The following LAX1 variants were observed in gnomAD, a reference collection of about 807,000 sequenced individuals.
LAX1 encodes lymphocyte transmembrane adapter 1.
In LAX1, 17 loss-of-function variants were observed where a neutral mutation model predicts 20.7. The observed-to-expected ratio is 0.82, with a 90% CI of 0.56 to 1.23. The LOEUF is 1.23. Ranked by LOEUF, LAX1 falls within the 50% of genes most tolerant of loss-of-function variation. LAX1 has a pLI of 0.00. For missense variants in LAX1, 470 were observed against 487.0 expected (o/e 0.97, Z 0.33); for synonymous variants, 165 against 181.0 (o/e 0.91, Z 0.71).
At position 203,774,761 on chromosome 1, in the gene LAX1, C is replaced by A; in HGVS notation, c.*80C>A. The A allele has an allele frequency of 8.6e-7, 1 of 1,162,650 alleles. No individual in the cohort carries two copies. Among genetic ancestry groups the A allele is most frequent in the South Asian group, 1.5e-5 (1 of 67,496 alleles). 72.0% of individuals were successfully genotyped at this position (1,162,650 alleles called of 1,614,324 possible). On this transcript the variant is annotated 3_prime_UTR_variant, in exon 5 of 5. Coordinates refer to ENST00000442561, the MANE Select transcript of LAX1 (RefSeq NM_017773.4). ...ACTACTGCAGAGTCTAGTGCAGACC[C>A]GTGATCACCTTAGTGCTTCAGTGGA...
In LAX1 at chr1:203,765,349, T is replaced by TGGTG. The variant is rs1667286966; in HGVS notation, c.-217_-216insGGTG. 2 of 1,551,586 alleles carry TGGTG rather than the reference T, an allele frequency of 1.3e-6. No homozygotes were observed. The highest frequency in any genetic ancestry group is 2.4e-5 in the South Asian group (2 of 84,066). ...TTGGAAGCACCATGTCCGGATGAGA[T>TGGTG]CGCACTTCCTGCAGTGGGCATTAGC... is the stretch of plus-strand genomic sequence containing the variant. On this transcript the variant is annotated 5_prime_UTR_variant, in exon 1 of 5. The change creates a new upstream start codon in the 5' untranslated region. Coordinates refer to ENST00000442561, the MANE Select transcript of LAX1 (RefSeq NM_017773.4).
Position 203,765,619 on chromosome 1 carries a change from C to T in LAX1, c.54C>T (p.Ser18=), listed in dbSNP as rs1667292070. Residue 18 remains serine, a synonymous_variant, in exon 1 of 5, where the codon TCC becomes TCT. Coordinates refer to ENST00000442561, the MANE Select transcript of LAX1 (RefSeq NM_017773.4). The stretch of plus-strand genomic sequence containing the variant: ...CAATCAGAGGGAGGACCTTGGAGTC[C>T]AGCACTCTGCATGTGACTCCCCGCA... ...LSTIRGRTLE[S]STLHVTPRSL... The T allele has an allele frequency of 1.9e-6, 3 of 1,614,114 alleles. No homozygotes were observed. Among genetic ancestry groups the T allele is most frequent in the Non-Finnish European group, 8.5e-7 (1 of 1,180,022 alleles).
chr1:203,770,427 GAA>G (rs1667384861), intron 1 of LAX1, among the ~76,000 whole-genome samples: 3 of 20,944 alleles, frequency 1.4e-4, no homozygotes, highest in African/African-American at 1.7e-4. Flanking sequence ...AAGAAAGAAA[GAA>G]AGAAAGAGAG....
chr1:203,774,706 C>G lies in LAX1; in HGVS notation c.*25C>G. The G allele has an allele frequency of 6.3e-7, 1 of 1,594,436 alleles. No individual in the cohort carries two copies. Among genetic ancestry groups the G allele is most frequent in the Non-Finnish European group, 8.6e-7 (1 of 1,166,260 alleles). On this transcript the variant is annotated 3_prime_UTR_variant, in exon 5 of 5. Transcript: ENST00000442561. Reference sequence around the variant, plus strand: ...AAGACCCAGGTACCCAGCCATAAAGCCACATTGAGTAGTCTATCCCATAGG... The same window carrying G: ...AAGACCCAGGTACCCAGCCATAAAGGCACATTGAGTAGTCTATCCCATAGG...
rs117526793 is a variant in LAX1 at position 203,773,353 on chromosome 1, T to C, written c.391-522T>C. On this transcript the variant is annotated intron_variant, in intron 4 of 4. Coordinates refer to ENST00000442561, the MANE Select transcript of LAX1 (RefSeq NM_017773.4). Reference sequence around the variant, plus strand: ...CCTGTAATCCCAGCTACTCAGGAGGTTGAGGCGGGAGAATCGATTGAACAC... The same window carrying C: ...CCTGTAATCCCAGCTACTCAGGAGGCTGAGGCGGGAGAATCGATTGAACAC... Among the ~76,000 whole-genome samples, 358 of 150,862 alleles carry C rather than the reference T, an allele frequency of 2.4e-3. 9 individuals are homozygous for C. In the East Asian group the frequency reaches 0.064, roughly 27 times the overall value.
intron 1 of LAX1, among the ~76,000 whole-genome samples, chr1:203,769,025 A>C (rs1667349536): frequency 6.6e-6 from 1 of 152,144 alleles, no homozygotes; most frequent in African/African-American, 2.4e-5. Flanking sequence ...TAGCAGGTTT[A>C]TGTGGGGAGA....
chr1:203,766,571 G>A (rs1385800551), intron 1 of LAX1, among the ~76,000 whole-genome samples: 1 of 152,206 alleles, frequency 6.6e-6, no homozygotes, highest in Non-Finnish European at 1.5e-5. Flanking sequence ...GCATCAATGA[G>A]CAATGAATCA....
At chr1:203,770,791 C>T (rs1304132933) in intron 1 of LAX1, 37 bp from the exon 2 acceptor site, 30 of 1,533,086 alleles carry the variant, frequency 2.0e-5, no homozygotes, top group Non-Finnish European at 2.4e-5. Flanking sequence ...TCTCCACCCT[C>T]CTACAGCTAG....
intron 1 of LAX1, chr1:203,769,525 C>A (rs1051981364): frequency 4.0e-5 from 6 of 151,614 alleles, no homozygotes; most frequent in Admixed American, 3.3e-4. Flanking sequence ...TGTTAAATGC[C>A]CTGGTTTCTA....
rs759447309 is a variant in LAX1 at position 203,774,117 on chromosome 1, C to T, written c.633C>T (p.Ser211=). 6.2e-7 allele frequency: 1 copy of T among 1,614,146 alleles called. No individual in the cohort carries two copies. Among genetic ancestry groups the T allele is most frequent in the Non-Finnish European group, 8.5e-7 (1 of 1,180,042 alleles). The part of the protein sequence containing the change: ...EIAETLASTK[S]PSRNLFVLPS... ...CTGAGACTCTAGCTTCTACCAAAAG[C>T]CCTTCCAGAAATCTCTTTGTTCTTC... Residue 211 remains serine, a synonymous_variant, in exon 5 of 5, where the codon AGC becomes AGT. Coordinates refer to ENST00000442561, the MANE Select transcript of LAX1 (RefSeq NM_017773.4).
chr1:203,768,551 T>C (rs1268870309), intron 1 of LAX1, among the ~76,000 whole-genome samples: 2 of 152,176 alleles, frequency 1.3e-5, no homozygotes, highest in African/African-American at 4.8e-5. Context: ...CAAGGGATCC[T>C]GGCAGTCAAA....
chr1:203,770,461 GGAAGGA>G (rs1558070665), intron 1 of LAX1, among the ~76,000 whole-genome samples: 772 of 16,328 alleles, frequency 0.047, 61 homozygotes, highest in South Asian at 0.1. Flanking sequence ...GAGAAAGGAA[GGAAGGA>G]AGGAAGGAAG....
In LAX1 at chr1:203,771,479, T is replaced by TACCC; in HGVS notation, c.310+3_310+4insCCCA. 6.4e-7 allele frequency: 1 copy of TACCC among 1,569,560 alleles called. No homozygotes were observed. The highest frequency in any genetic ancestry group is 8.8e-7 in the Non-Finnish European group (1 of 1,139,288). On this transcript the variant is annotated splice_region_variant and intron_variant, in intron 3 of 4. Transcript: ENST00000442561. ...TGCCTTGGCGACAGGAAGACCTGGG[T>TACCC]AGGTTTTTCCTTCTAATCTATGGAG...
chr1:203,776,225 A>G lies in LAX1; in HGVS notation c.*1544A>G, dbSNP rs953663975. On this transcript the variant is annotated 3_prime_UTR_variant, in exon 5 of 5. Coordinates refer to ENST00000442561, the MANE Select transcript of LAX1 (RefSeq NM_017773.4). ...TGTCTCTCATATTTGTAAAACTACA[A>G]AAATTAGCTTGGCATGGTGGTGTGC... 5 of 152,050 alleles carry G rather than the reference A, an allele frequency of 3.3e-5. No homozygotes were observed. Among genetic ancestry groups the G allele is most frequent in the African/African-American group, 1.2e-4 (5 of 41,382 alleles). The allele number at this position is 152,050 out of a possible 1,614,324, so 9.4% of individuals were successfully genotyped here.
chr1:203,770,151 C>A (rs886397804), intron 1 of LAX1, among the ~76,000 whole-genome samples: 1 of 152,058 alleles, frequency 6.6e-6, no homozygotes, highest in African/African-American at 2.4e-5. Context: ...GGCACGGTGG[C>A]TCACACCTGT....
In LAX1 at chr1:203,773,969, A is replaced by G; in HGVS notation, c.485A>G (p.Gln162Arg). The change falls in exon 5 of 5, where the codon CAG (glutamine) becomes CGG (arginine). Residue 162 changes from glutamine to arginine, a missense_variant. Coordinates refer to ENST00000442561, the MANE Select transcript of LAX1 (RefSeq NM_017773.4). Reference sequence around the variant, plus strand: ...ATCTATGACAACGCCATGGTCCCCCAGATGTGTGGGAACCTCACTCCCTCG... The same window carrying G: ...ATCTATGACAACGCCATGGTCCCCCGGATGTGTGGGAACCTCACTCCCTCG... ...VGIYDNAMVP[Q>R]MCGNLTPSAH... The G allele has an allele frequency of 1.9e-6, 3 of 1,613,878 alleles. No homozygotes were observed. Among genetic ancestry groups the G allele is most frequent in the Non-Finnish European group, 2.5e-6 (3 of 1,179,950 alleles).
intron 2 of LAX1, 47 bp from the exon 3 acceptor site, chr1:203,771,320 T>A: frequency 8.6e-7 from 1 of 1,161,938 alleles, no homozygotes; most frequent in Non-Finnish European, 1.3e-6. Context: ...CTTCACTCTG[T>A]GCAGCTGACC....
chr1:203,770,661 A>G (rs748134589), intron 1 of LAX1, among the ~76,000 whole-genome samples, 167 bp from the exon 2 acceptor site: 1 of 152,026 alleles, frequency 6.6e-6, no homozygotes, highest in Admixed American at 6.6e-5. Context: ...CCCTCTCTCC[A>G]TAAAGTCAAT....
chr1:203,768,446 T>A (rs1179474356), intron 1 of LAX1, among the ~76,000 whole-genome samples: 1 of 152,138 alleles, frequency 6.6e-6, no homozygotes, highest in African/African-American at 2.4e-5. Context: ...AGAAGAGACC[T>A]GAATGAGAGG....
Sources: allele counts gnomAD v4.1 joint callset (sites outside exome capture counted in the v4.1 genomes callset), GRCh38; gene constraint gnomAD v4.1.1; transcripts MANE v1.5; gene names NCBI Gene and HGNC (gene_info 2026-07-23, HGNC 2026-07-21).